Variants in PDE4D observed in about 807,000 individuals in gnomAD.
PDE4D encodes phosphodiesterase 4D, also known as 3',5'-cyclic-AMP phosphodiesterase 4D.
In PDE4D, 24 loss-of-function variants were observed where a neutral mutation model predicts 87.4. The ratio of observed to expected loss-of-function variants is 0.27; its 90% CI spans 0.20 to 0.39. The LOEUF (loss-of-function observed/expected upper bound fraction) is 0.39, where lower values mean the gene tolerates loss of function less well. Among genes scored for constraint, PDE4D ranks in the 10% least tolerant of loss-of-function variants. The pLI, the probability that PDE4D is intolerant of heterozygous loss-of-function variation, is 1.00. For missense variants in PDE4D, 714 were observed against 1,041.0 expected (o/e 0.69, Z 4.32); for synonymous variants, 384 against 383.2 (o/e 1.00, Z -0.02).
intron 1 of PDE4D, among the ~76,000 whole-genome samples, chr5:59,475,283 C>A (rs1477861528): frequency 6.6e-6 from 1 of 152,034 alleles, no homozygotes; most frequent in Non-Finnish European, 1.5e-5. Flanking sequence ...TACCTAGGTA[C>A]ACCTTTCAGA....
intron 1 of PDE4D, among the ~76,000 whole-genome samples, chr5:60,212,050 G>A (rs1359285547): frequency 6.6e-6 from 1 of 152,176 alleles, no homozygotes; most frequent in East Asian, 1.9e-4. Flanking sequence ...GCAAAAGGAA[G>A]ATATCGTTGC....
At chr5:59,511,056 C>A (rs1055409367) in intron 1 of PDE4D, among the ~76,000 whole-genome samples, 24 of 151,856 alleles carry the variant, frequency 1.6e-4, no homozygotes, top group African/African-American at 5.1e-4. Context: ...TTTTTGGTTA[C>A]AAAATGACAG....
chr5:59,558,182 A>G (rs1177642788), intron 1 of PDE4D, among the ~76,000 whole-genome samples: 1 of 152,220 alleles, frequency 6.6e-6, no homozygotes, highest in African/African-American at 2.4e-5. Flanking sequence ...GACAATAAAT[A>G]TGAACTTTTG....
chr5:60,519,842 T>C (rs1750957599), intron 1 of PDE4D, among the ~76,000 whole-genome samples: 1 of 152,170 alleles, frequency 6.6e-6, no homozygotes, highest in South Asian at 2.1e-4. Flanking sequence ...AGCTGGGAAA[T>C]AATTAATTAC....
At chr5:60,293,130 C>T (rs1753052558) in intron 1 of PDE4D, among the ~76,000 whole-genome samples, 1 of 151,726 alleles carries the variant, frequency 6.6e-6, no homozygotes, top group East Asian at 1.9e-4. Flanking sequence ...CCTCAACCTC[C>T]CCTTATCAGA....
At chr5:59,103,418 T>C (rs1346076107) in intron 5 of PDE4D, among the ~76,000 whole-genome samples, 4 of 152,154 alleles carry the variant, frequency 2.6e-5, no homozygotes, top group African/African-American at 9.7e-5. Flanking sequence ...TGTGACTTGT[T>C]TGGCCCACAC....
intron 1 of PDE4D, among the ~76,000 whole-genome samples, chr5:59,381,518 A>AT (rs1329650353): frequency 2.5e-4 from 38 of 152,222 alleles, no homozygotes; most frequent in African/African-American, 9.1e-4. Context: ...CATACCGTTT[A>AT]TAATTAATAT....
intron 1 of PDE4D, among the ~76,000 whole-genome samples, chr5:60,320,192 TC>T: frequency 6.6e-6 from 1 of 152,162 alleles, no homozygotes. Context: ...CGGGAGCCCC[TC>T]CCCCAGCCTT....
At chr5:59,092,126 T>C (rs922713766) in intron 5 of PDE4D, among the ~76,000 whole-genome samples, 1 of 152,200 alleles carries the variant, frequency 6.6e-6, no homozygotes, top group Non-Finnish European at 1.5e-5. Flanking sequence ...GTTTGAAACA[T>C]AAACAGACAT....
chr5:60,351,040 C>T, intron 1 of PDE4D, among the ~76,000 whole-genome samples: 1 of 152,160 alleles, frequency 6.6e-6, no homozygotes, highest in East Asian at 1.9e-4. Context: ...TTGCTGATCT[C>T]ACAGAGCTGA....
chr5:60,048,808 T>C (rs1769682980), intron 2 of PDE4D, among the ~76,000 whole-genome samples: 1 of 152,150 alleles, frequency 6.6e-6, no homozygotes. Context: ...ATTTTTTCCT[T>C]CATTTCAACT....
intron 1 of PDE4D, among the ~76,000 whole-genome samples, chr5:59,298,113 C>CTTTTT (rs759820053): frequency 2.9e-4 from 33 of 112,996 alleles, no homozygotes; most frequent in Non-Finnish European, 4.3e-4. Context: ...ACAAGTGAAA[C>CTTTTT]TTTTTTTTTT....
At chr5:59,635,465 A>T (rs551327740) in intron 1 of PDE4D, among the ~76,000 whole-genome samples, 1 of 152,368 alleles carries the variant, frequency 6.6e-6, no homozygotes, top group Non-Finnish European at 1.5e-5. Flanking sequence ...AATATCCTTG[A>T]TGAACATCGA....
intron 1 of PDE4D, among the ~76,000 whole-genome samples, chr5:59,787,512 AC>A (rs1249147497): frequency 2.6e-5 from 4 of 152,164 alleles, no homozygotes; most frequent in African/African-American, 9.7e-5. Context: ...TCTGTGACTT[AC>A]CTTTTTGTCC....
intron 1 of PDE4D, among the ~76,000 whole-genome samples, chr5:59,648,370 G>A (rs922014213): frequency 6.6e-6 from 1 of 151,952 alleles, no homozygotes; most frequent in Non-Finnish European, 1.5e-5. Context: ...GAAAAACAAG[G>A]CCTTTTTCCA....
At chr5:59,960,424 T>C (rs569210839) in intron 3 of PDE4D, among the ~76,000 whole-genome samples, 1 of 152,136 alleles carries the variant, frequency 6.6e-6, no homozygotes, top group Non-Finnish European at 1.5e-5. Context: ...CACAGCACTA[T>C]TTACAATAGC....
intron 1 of PDE4D, among the ~76,000 whole-genome samples, chr5:60,224,180 CA>C (rs1267859158): frequency 2.0e-5 from 3 of 152,042 alleles, no homozygotes; most frequent in African/African-American, 4.8e-5. Flanking sequence ...TGCATAATTA[CA>C]AAATATAATC....
intron 1 of PDE4D, among the ~76,000 whole-genome samples, chr5:60,450,989 A>G (rs1746053661): frequency 6.6e-6 from 1 of 152,132 alleles, no homozygotes; most frequent in Non-Finnish European, 1.5e-5. Context: ...GGCCCAACAT[A>G]GAAGATGGGT....
intron 1 of PDE4D, among the ~76,000 whole-genome samples, chr5:60,414,439 T>C (rs1742314194): frequency 6.6e-6 from 1 of 152,106 alleles, no homozygotes; most frequent in South Asian, 2.1e-4. Flanking sequence ...TACTTAAAAA[T>C]AAAATCAAAT....
Sources: gnomAD v4.1 joint callset for allele counts (sites outside exome capture counted in the v4.1 genomes callset) on GRCh38, gnomAD v4.1.1 for gene constraint, MANE v1.5 for transcripts, NCBI Gene and HGNC (gene_info 2026-07-23, HGNC 2026-07-21) for gene names.